CUBN: variants seen among roughly 807,000 people sequenced by gnomAD.
CUBN encodes the protein cubilin, also known as 460 kDa receptor.
CUBN carries 282 observed loss-of-function variants against 405.3 expected under a neutral mutation model. The ratio of observed to expected loss-of-function variants is 0.70; its 90% confidence interval spans 0.63 to 0.77. The LOEUF (loss-of-function observed/expected upper bound fraction) is 0.77, where lower values mean the gene tolerates loss of function less well. Ranked by LOEUF, CUBN falls within the 30% of genes least tolerant of loss-of-function variation. The pLI is 0.00. For synonymous variants in CUBN, 1,684 were observed against 1,617.0 expected, an observed-to-expected ratio of 1.04 and a Z score of -0.99; for missense variants, 4,514 against 4,475.2, an observed-to-expected ratio of 1.01 and a Z score of -0.25.
rs563755727 is a variant in CUBN, at chr10:16,919,717, CA to C, written c.6821+245del. The stretch of plus-strand genomic sequence containing the variant: ...ATGGATAACATCAATCTCAAGTAGC[CA>C]CCCTCAGTGTCCCTTGCAGGAAGTG... On this transcript the variant is annotated intron_variant, in intron 44 of 66. Transcript: ENST00000377833. 2.8e-4 allele frequency among the ~76,000 whole-genome samples: 43 copies of C among 152,248 alleles called. 1 individual carries two copies. Among genetic ancestry groups the C allele is most frequent in the African/African-American group, 9.9e-4 (41 of 41,554 alleles).
chr10:17,003,881 A>C (rs974549778), intron 28 of CUBN, among the ~76,000 whole-genome samples: 5 of 152,194 alleles, frequency 3.3e-5, no homozygotes, highest in African/African-American at 7.2e-5. Context: ...TGATGTCTCC[A>C]GTTGTAATCT....
At chr10:17,100,752 C>T (rs900048357) in intron 13 of CUBN, among the ~76,000 whole-genome samples, 5 of 152,302 alleles carry the variant, frequency 3.3e-5, no homozygotes, top group East Asian at 1.9e-4. Context: ...CAGACCGACA[C>T]GCTCAGGTGT....
chr10:17,098,773 TAAC>T (rs1160202792), intron 14 of CUBN, among the ~76,000 whole-genome samples: 2 of 152,156 alleles, frequency 1.3e-5, no homozygotes, highest in African/African-American at 4.8e-5. Context: ...TATTTTTACA[TAAC>T]AAGTGAAAAA....
At chr10:16,919,468 A>G (rs554032991) in intron 44 of CUBN, among the ~76,000 whole-genome samples, 92 of 152,330 alleles carry the variant, frequency 6.0e-4, no homozygotes, top group African/African-American at 2.2e-3. Context: ...CAACATAGTA[A>G]GACTTACTGT....
At chr10:17,044,275 A>C (rs1208201819) in intron 25 of CUBN, among the ~76,000 whole-genome samples, 1 of 147,286 alleles carries the variant, frequency 6.8e-6, no homozygotes, top group Admixed American at 6.8e-5. Flanking sequence ...TGTAAACATA[A>C]ATATATATAA....
intron 14 of CUBN, among the ~76,000 whole-genome samples, chr10:17,092,210 C>T (rs528373423): frequency 9.2e-5 from 14 of 152,228 alleles, no homozygotes; most frequent in African/African-American, 3.1e-4. Context: ...TGACTAAGCT[C>T]CTCTCTACCC....
At chr10:16,937,875 A>G in intron 38 of CUBN, 91 bp from the exon 39 acceptor site, 1 of 1,179,096 alleles carries the variant, frequency 8.5e-7, no homozygotes, top group South Asian at 1.4e-5. Context: ...TATTATTACA[A>G]TGTTATCATA....
rs112871180 is a variant in CUBN at position 16,938,466 on chromosome 10, T to C, written c.5733+497A>G. Among the ~76,000 whole-genome samples the C allele has an allele frequency of 1.8e-3, 280 of 152,270 alleles. 1 individual carries two copies. The highest frequency in any genetic ancestry group is 6.2e-3 in the African/African-American group (256 of 41,566). On this transcript the variant is annotated intron_variant, in intron 38 of 66. Transcript: ENST00000377833. ...CATTCCCATACATATTGGGCACCCA[T>C]CAGGCACTGGGATCTATTCATGACC...
At chr10:16,835,864 G>C (rs1375853619) in intron 63 of CUBN, among the ~76,000 whole-genome samples, 1 of 151,974 alleles carries the variant, frequency 6.6e-6, no homozygotes, top group Admixed American at 6.6e-5. Context: ...TATGATATGA[G>C]AATTATATTT....
chr10:16,938,948 C>T lies in CUBN; in HGVS notation c.5733+15G>A, dbSNP rs769468688. The T allele has an allele frequency of 1.4e-5, 22 of 1,599,692 alleles. No individual in the cohort carries two copies. In the East Asian group the frequency reaches 4.7e-4, roughly 34 times the overall value. On this transcript the variant is annotated intron_variant, in intron 38 of 66. Transcript: ENST00000377833. The stretch of plus-strand genomic sequence containing the variant: ...CACCAATATTTATGAACATTGATTG[C>T]ATGTGGAAACTCACCCTTAATTTGT...
intron 38 of CUBN, 76 bp from the exon 39 acceptor site, chr10:16,937,860 C>T (rs766323482): frequency 7.2e-5 from 96 of 1,339,654 alleles, no homozygotes; most frequent in Non-Finnish European, 8.8e-5. Context: ...AAAAAAGATG[C>T]CTTATATTAT....
chr10:17,082,994 T>C (rs934917605), intron 17 of CUBN, among the ~76,000 whole-genome samples: 1 of 152,106 alleles, frequency 6.6e-6, no homozygotes, highest in Non-Finnish European at 1.5e-5. Context: ...CTTATAATAG[T>C]GCCTGGAGTA....
At chr10:16,899,861 T>A (rs539134738) in intron 53 of CUBN, among the ~76,000 whole-genome samples, 4 of 152,298 alleles carry the variant, frequency 2.6e-5, no homozygotes, top group African/African-American at 9.6e-5. Context: ...GAAGTCTGAC[T>A]CAGTCAACAA....
intron 36 of CUBN, among the ~76,000 whole-genome samples, chr10:16,941,523 A>G (rs761200995): frequency 6.6e-6 from 1 of 152,218 alleles, no homozygotes; most frequent in Non-Finnish European, 1.5e-5. Flanking sequence ...GAATTCATAA[A>G]TAAACATTTC....
intron 28 of CUBN, among the ~76,000 whole-genome samples, chr10:17,017,327 C>T (rs1022026476): frequency 7.2e-5 from 11 of 151,922 alleles, no homozygotes; most frequent in African/African-American, 2.7e-4. Flanking sequence ...TTCTCCAAAA[C>T]CTGCACCCTT....
chr10:17,035,079 T>TTA (rs912680498), intron 27 of CUBN, among the ~76,000 whole-genome samples: 205 of 58,578 alleles, frequency 3.5e-3, no homozygotes, highest in African/African-American at 7.8e-3. Context: ...AACCTATGGA[T>TTA]AAAAAAAAAA....
chr10:16,896,630 T>C (rs1216673529), intron 54 of CUBN, among the ~76,000 whole-genome samples: 3 of 152,242 alleles, frequency 2.0e-5, no homozygotes, highest in African/African-American at 4.8e-5. Context: ...AATTAAGATA[T>C]GTCTGAACTT....
At chr10:16,979,832 A>G (rs11254317) in intron 31 of CUBN, among the ~76,000 whole-genome samples, 8,756 of 152,358 alleles carry the variant, frequency 0.057, 363 homozygotes, top group Non-Finnish European at 0.089. Flanking sequence ...AAAAGCCAAA[A>G]TTAACAAATG....
At chr10:16,836,491 A>T in intron 62 of CUBN, 109 bp from the exon 63 acceptor site, 2 of 1,097,500 alleles carry the variant, frequency 1.8e-6, no homozygotes, top group Non-Finnish European at 2.8e-6. Context: ...TTAGCCATGG[A>T]AACCAGCTCT....
Sources: allele counts gnomAD v4.1 joint callset (sites outside exome capture counted in the v4.1 genomes callset), GRCh38; gene constraint gnomAD v4.1.1; transcripts MANE v1.5; gene names NCBI Gene and HGNC (gene_info 2026-07-23, HGNC 2026-07-21).